The following NKD2 variants were observed in gnomAD, a reference collection of about 807,000 sequenced individuals.
NKD2 encodes the protein protein naked cuticle homolog 2.
NKD2 carries 43 observed loss-of-function variants against 34.8 expected under a neutral mutation model. That is an observed-to-expected ratio of 1.24 (90% CI 0.97 to 1.60). The LOEUF is 1.60. NKD2 is among the 40% of genes most tolerant of loss of function. NKD2 has a pLI of 0.00. For missense variants in NKD2, 675 were observed against 627.1 expected (o/e 1.08, Z -0.82); for synonymous variants, 278 against 265.1 (o/e 1.05, Z -0.47).
At chr5:1,030,042 G>A (rs544393259) in intron 3 of NKD2, among the ~76,000 whole-genome samples, 1 of 146,574 alleles carries the variant, frequency 6.8e-6, no homozygotes, top group East Asian at 2.1e-4. Context: ...AGAACCCTGG[G>A]GGCTTCACCA....
chr5:1,009,432 CT>C lies in NKD2; in HGVS notation c.62-46del. 6.9e-7 allele frequency: 1 copy of C among 1,451,340 alleles called. No individual in the cohort carries two copies. Among genetic ancestry groups the C allele is most frequent in the Non-Finnish European group, 9.2e-7 (1 of 1,092,630 alleles). The allele number at this position is 1,451,340 out of a possible 1,614,324, so 89.9% of individuals were successfully genotyped here. On this transcript the variant is annotated intron_variant, in intron 2 of 9. Transcript: ENST00000296849. This position sits in a 1 kb window ranked among gnomAD's most constrained non-coding sequence, Gnocchi z 6.9. ...CGCCCGCGGGGCTCACGGCGCGTCT[CT>C]TTCCCTCCTCGGTGCGGGTTTCCCG...
Position 1,034,920 on chromosome 5 carries a change from C to A in NKD2, c.574+17C>A. 6.3e-7 allele frequency: 1 copy of A among 1,596,200 alleles called. No homozygotes were observed. The highest frequency in any genetic ancestry group is 8.5e-7 in the Non-Finnish European group (1 of 1,170,834). ...CTGGCCAGGGTGAGTGAGGCCTGGG[C>A]ACACACAGAGGACCCTACCCAACAT... On this transcript the variant is annotated intron_variant, in intron 7 of 9. Coordinates refer to ENST00000296849, the MANE Select transcript of NKD2 (RefSeq NM_033120.4).
chr5:1,032,545 CT>C (rs1560996448), intron 4 of NKD2, among the ~76,000 whole-genome samples: 1 of 152,236 alleles, frequency 6.6e-6, no homozygotes, highest in African/African-American at 2.4e-5. Context: ...CAAGTTAGCC[CT>C]GGGCTGGAGG....
At position 1,032,632 on chromosome 5, in the gene NKD2, C is replaced by T. The variant is rs561439113; in HGVS notation, c.202+420C>T. ...AGTGGCACCAGTCCTACCTGTGGCG[C>T]GTGGCAGGTCAGCACTTGGCTTACC... is the stretch of plus-strand genomic sequence containing the variant. On this transcript the variant is annotated intron_variant, in intron 4 of 9. Transcript: ENST00000296849. Among the ~76,000 whole-genome samples the T allele has an allele frequency of 8.1e-4, 124 of 152,350 alleles. 1 individual carries two copies. Among genetic ancestry groups the T allele is most frequent in the South Asian group, 6.2e-3 (30 of 4,826 alleles).
At position 1,009,326 on chromosome 5, in the gene NKD2, C is replaced by A; in HGVS notation, c.61+112C>A. On this transcript the variant is annotated intron_variant, in intron 2 of 9. Coordinates refer to ENST00000296849, the MANE Select transcript of NKD2 (RefSeq NM_033120.4). The surrounding 1 kb of genome is among the most constrained non-coding windows in gnomAD (Gnocchi z 6.9). ...GGAGCCAGCAGTGGGGGGACGGGGC[C>A]GCGGGTCTCCAGGAGCGCGCGGGAC... The A allele has an allele frequency of 1.9e-6, 1 of 538,358 alleles. No homozygotes were observed. The highest frequency in any genetic ancestry group is 4.4e-5 in the Admixed American group (1 of 22,984). 33.3% of individuals were successfully genotyped at this position (538,358 alleles called of 1,614,324 possible). A position where few individuals can be genotyped will look rare whatever the true frequency, so the allele number is the denominator to read the frequency against.
At chr5:1,037,471 G>GGC in intron 9 of NKD2, 1 of 1,499,780 alleles carries the variant, frequency 6.7e-7, no homozygotes, top group Non-Finnish European at 9.0e-7. Context: ...GAATCCTGGG[G>GGC]GCGCCCTCCC....
chr5:1,035,181 A>G (rs1229190836), intron 7 of NKD2, among the ~76,000 whole-genome samples: 1 of 151,118 alleles, frequency 6.6e-6, no homozygotes, highest in East Asian at 1.9e-4. Flanking sequence ...TTAATGAATG[A>G]GTGAGTTAAT....
At chr5:1,024,519 C>T (rs1489467731) in intron 3 of NKD2, among the ~76,000 whole-genome samples, 23 of 52,078 alleles carry the variant, frequency 4.4e-4, no homozygotes, top group African/African-American at 1.1e-3. Context: ...CCTCTGTGGG[C>T]GTCCCAGCCC....
At chr5:1,027,740 C>T (rs1057414058) in intron 3 of NKD2, among the ~76,000 whole-genome samples, 4 of 152,250 alleles carry the variant, frequency 2.6e-5, no homozygotes, top group African/African-American at 9.6e-5. Flanking sequence ...TGGCCAACAG[C>T]TGCCCTCACG....
chr5:1,026,815 G>GC (rs1756431722), intron 3 of NKD2, among the ~76,000 whole-genome samples: 1 of 152,268 alleles, frequency 6.6e-6, no homozygotes, highest in African/African-American at 2.4e-5. Flanking sequence ...CCTTGGTCCT[G>GC]CCCAGCCGCA....
chr5:1,033,313 G>A (rs892573609), intron 4 of NKD2, 59 bp from the exon 5 acceptor site: 7 of 1,488,332 alleles, frequency 4.7e-6, no homozygotes, highest in Non-Finnish European at 6.4e-6. Context: ...GTCCCCAATG[G>A]CGGGCCACAT....
intron 7 of NKD2, 120 bp downstream of exon 7, chr5:1,035,023 G>GGTGA (rs1170840025): frequency 1.5e-5 from 14 of 928,996 alleles, no homozygotes; most frequent in East Asian, 1.1e-4. Flanking sequence ...TGAATGGATG[G>GGTGA]GTGAGTGAGT....
At chr5:1,014,388 C>T (rs1007070953) in intron 3 of NKD2, among the ~76,000 whole-genome samples, 25 of 152,346 alleles carry the variant, frequency 1.6e-4, no homozygotes, top group Non-Finnish European at 3.1e-4. Context: ...CTGGGAGCCG[C>T]GGGAACTGTG....
At chr5:1,028,362 T>A (rs536840727) in intron 3 of NKD2, among the ~76,000 whole-genome samples, 1 of 152,278 alleles carries the variant, frequency 6.6e-6, no homozygotes, top group East Asian at 1.9e-4. Flanking sequence ...GCTGCGAGGC[T>A]ATGGGTTCTG....
chr5:1,020,923 G>C (rs1756151955), intron 3 of NKD2, among the ~76,000 whole-genome samples: 1 of 152,086 alleles, frequency 6.6e-6, no homozygotes, highest in Admixed American at 6.5e-5. Flanking sequence ...TGAGGGGGCG[G>C]ATGCCAACAC....
chr5:1,036,996 G>A, intron 9 of NKD2: 1 of 342,324 alleles, frequency 2.9e-6, no homozygotes, highest in Non-Finnish European at 5.5e-6. Flanking sequence ...TGGATGGCAG[G>A]CAGGCAGTGT....
Position 1,009,181 on chromosome 5 carries a change from G to A in NKD2, c.28G>A (p.Ala10Thr). ...CCCCGCGTCCCGCCGTGCCGCAGCC[G>A]CCGCCGCCCGCAAGCGGAGAGAGAG... MGKLQSKHA[A>T]AARKRRESPE... Residue 10 changes from alanine (A) to threonine (T), a missense_variant and splice_region_variant, in exon 2 of 10, where the codon GCC becomes ACC. Physicochemically the swap from Ala to Thr is moderately conservative, Grantham distance 58. Coordinates refer to ENST00000296849, the MANE Select transcript of NKD2 (RefSeq NM_033120.4). This position sits in a 1 kb window ranked among gnomAD's most constrained non-coding sequence, Gnocchi z 6.9. 1.1e-5 allele frequency: 6 copies of A among 560,794 alleles called. No individual in the cohort carries two copies. Among genetic ancestry groups the A allele is most frequent in the South Asian group, 8.4e-5 (4 of 47,800 alleles). 34.7% of individuals were successfully genotyped at this position (560,794 alleles called of 1,614,324 possible).
At position 1,038,189 on chromosome 5, in the gene NKD2, AG is replaced by A. The variant is rs780278182; in HGVS notation, c.1175del (p.Gly392AlafsTer36). On this transcript the variant is annotated frameshift_variant, in exon 10 of 10. Coordinates refer to ENST00000296849, the MANE Select transcript of NKD2 (RefSeq NM_033120.4). LOFTEE classifies it low-confidence loss of function (END_TRUNC). This position sits in a 1 kb window ranked among gnomAD's most constrained non-coding sequence, Gnocchi z 4.5. ...AAGCGGTACCGCCAAAAGGGCAGGG[AG>A]GGCCACTCGCCACTCAAGGCCCCAC... ...GHKRYRQKGR[E>X]GHSPLKAPHA... The A allele has an allele frequency of 6.3e-7, 1 of 1,589,148 alleles. No individual in the cohort carries two copies. Among genetic ancestry groups the A allele is most frequent in the South Asian group, 1.1e-5 (1 of 88,508 alleles).
intron 3 of NKD2, among the ~76,000 whole-genome samples, chr5:1,026,949 G>A (rs1237184913): frequency 6.6e-6 from 1 of 152,234 alleles, no homozygotes; most frequent in Non-Finnish European, 1.5e-5. Context: ...TCGATGCCAC[G>A]ACAGCCCCGT....
Sources: gnomAD v4.1 joint callset for allele counts (sites outside exome capture counted in the v4.1 genomes callset) on GRCh38, gnomAD v4.1.1 for gene constraint, Gnocchi (gnomAD v3.1) non-coding constraint, MANE v1.5 for transcripts, NCBI Gene and HGNC (gene_info 2026-07-23, HGNC 2026-07-21) for gene names.